Variants in PTP4A2 observed in about 807,000 individuals in gnomAD.
PTP4A2 encodes the protein protein tyrosine phosphatase 4A2.
Under a neutral mutation model 22.9 loss-of-function variants are expected in PTP4A2, and 2 were observed. The ratio of observed to expected loss-of-function variants is 0.09; its 90% CI spans 0.04 to 0.27. The LOEUF (loss-of-function observed/expected upper bound fraction) is 0.27. PTP4A2 is among the 10% of genes least tolerant of loss of function. The pLI is 1.00. For synonymous variants in PTP4A2, 68 were observed against 69.1 expected (o/e 0.98, Z 0.08); for missense variants, 103 against 205.1 (o/e 0.50, Z 3.04).
At position 31,908,138 on chromosome 1, in the gene PTP4A2, TATTATATA is replaced by T. The variant is rs1651299399; in HGVS notation, c.*706_*713del. On this transcript the variant is annotated 3_prime_UTR_variant, in exon 6 of 6. Transcript: ENST00000647444. ...AATATATATATATATATATATATTA[TATTATATA>T]TATATATATATATATATATATATAT... 1 of 420 alleles carries T rather than the reference TATTATATA, an allele frequency of 2.4e-3. No individual in the cohort carries two copies. The highest frequency in any genetic ancestry group is 5.3e-3 in the Non-Finnish European group (1 of 188). The allele number at this position is 420 out of a possible 1,614,324, so 0.0% of individuals were successfully genotyped here. A position where few individuals can be genotyped will look rare whatever the true frequency, so the allele number is the denominator to read the frequency against.
chr1:31,907,575 T>C lies in PTP4A2; in HGVS notation c.*1277A>G, dbSNP rs1425884500. ...GGTTTTAAACCAGGGATTTTTTTTT[T>C]TTAATCTCAAAAAACCTAGTAATAA... On this transcript the variant is annotated 3_prime_UTR_variant, in exon 6 of 6. Transcript: ENST00000647444. 1.3e-5 allele frequency: 2 copies of C among 152,092 alleles called. No homozygotes were observed. The highest frequency in any genetic ancestry group is 6.6e-5 in the Admixed American group (1 of 15,254). The allele number at this position is 152,092 out of a possible 1,614,324, so 9.4% of individuals were successfully genotyped here.
At chr1:31,936,317 T>C (rs1193543477) in intron 1 of PTP4A2, among the ~76,000 whole-genome samples, 1 of 151,816 alleles carries the variant, frequency 6.6e-6, no homozygotes, top group Admixed American at 6.6e-5. Flanking sequence ...CACACACTTG[T>C]ATTCTCAGCT....
intron 5 of PTP4A2, 70 bp downstream of exon 5, chr1:31,909,968 C>T: frequency 7.5e-7 from 1 of 1,334,774 alleles, no homozygotes. Context: ...AATGAATATC[C>T]CTTCCATAAT....
At chr1:31,918,412 A>G (rs1179701895) in intron 2 of PTP4A2, among the ~76,000 whole-genome samples, 2 of 152,182 alleles carry the variant, frequency 1.3e-5, no homozygotes, top group Admixed American at 6.5e-5. Context: ...ATTACAACGA[A>G]GTAGTCTGGG....
chr1:31,906,755 TACAC>T lies in PTP4A2; in HGVS notation c.*2093_*2096del, dbSNP rs140739232. On this transcript the variant is annotated 3_prime_UTR_variant, in exon 6 of 6. Coordinates refer to ENST00000647444, the MANE Select transcript of PTP4A2 (RefSeq NM_080391.4). Reference sequence around the variant, plus strand: ...GCGCGTGCACACACACACACACACATACACACACACACACACACACACACACACA... The same window carrying T: ...GCGCGTGCACACACACACACACACATACACACACACACACACACACACACA... The T allele has an allele frequency of 0.046, 6,140 of 132,846 alleles. 185 individuals carry two copies. The highest frequency in any genetic ancestry group is 0.11 in the African/African-American group (3,748 of 34,030). 8.2% of individuals were successfully genotyped at this position (132,846 alleles called of 1,614,324 possible).
intron 1 of PTP4A2, chr1:31,930,795 C>T (rs1317209003): frequency 6.6e-6 from 1 of 152,160 alleles, no homozygotes; most frequent in Non-Finnish European, 1.5e-5. Flanking sequence ...ATAATGGCAT[C>T]CTTTCACAAA....
intron 1 of PTP4A2, among the ~76,000 whole-genome samples, chr1:31,928,764 C>T (rs1385457569): frequency 6.6e-6 from 1 of 151,340 alleles, no homozygotes; most frequent in African/African-American, 2.4e-5. Context: ...TCCACTTCCT[C>T]ATTTAAGGAG....
intron 4 of PTP4A2, chr1:31,911,262 AG>A (rs1260596668): frequency 6.5e-6 from 1 of 152,826 alleles, no homozygotes; most frequent in African/African-American, 2.4e-5. Flanking sequence ...AGCAATGCTC[AG>A]GGGAAAAGGT....
In PTP4A2 at chr1:31,908,236, GTTTTTTT is replaced by G. The variant is rs56981526; in HGVS notation, c.*609_*615del. On this transcript the variant is annotated 3_prime_UTR_variant, in exon 6 of 6. Transcript: ENST00000647444. ...TGCTGTTTTTTTGGTGTTGTTTTTT[GTTTTTTT>G]TTTTTTTTTATCTAAAAGTGCCCAG... 84 of 47,826 alleles carry G rather than the reference GTTTTTTT, an allele frequency of 1.8e-3. 2 individuals carry two copies. Among genetic ancestry groups the G allele is most frequent in the African/African-American group, 4.9e-3 (55 of 11,262 alleles). 3.0% of individuals were successfully genotyped at this position (47,826 alleles called of 1,614,324 possible).
chr1:31,936,528 A>G (rs1167595937), intron 1 of PTP4A2, among the ~76,000 whole-genome samples: 7 of 152,222 alleles, frequency 4.6e-5, no homozygotes, highest in Admixed American at 4.6e-4. Context: ...TCTAGGAGAC[A>G]TTATTTTTAA....
intron 1 of PTP4A2, among the ~76,000 whole-genome samples, chr1:31,931,843 C>T (rs1052429089): frequency 2.6e-5 from 4 of 152,214 alleles, no homozygotes; most frequent in African/African-American, 7.2e-5. Context: ...CTGCTGGTGA[C>T]TCATATCCTT....
intron 1 of PTP4A2, among the ~76,000 whole-genome samples, chr1:31,921,179 T>A (rs1652137291): frequency 6.6e-6 from 1 of 152,158 alleles, no homozygotes; most frequent in African/African-American, 2.4e-5. Flanking sequence ...TTTCCCCTTT[T>A]CCTCACAAGT....
chr1:31,912,874 C>A, intron 3 of PTP4A2: 2 of 342,082 alleles, frequency 5.8e-6, no homozygotes, highest in South Asian at 2.4e-5. Context: ...AGCCCATTAG[C>A]CAAAACAGTA....
intron 1 of PTP4A2, among the ~76,000 whole-genome samples, chr1:31,936,355 T>C (rs1305264401): frequency 6.6e-6 from 1 of 151,794 alleles, no homozygotes; most frequent in East Asian, 1.9e-4. Context: ...GGGAAGATCA[T>C]TTGAACCCGG....
Position 31,906,951 on chromosome 1 carries a change from A to T in PTP4A2, c.*1901T>A, listed in dbSNP as rs1651204229. The T allele has an allele frequency of 6.6e-6, 1 of 151,466 alleles. No homozygotes were observed. Among genetic ancestry groups the T allele is most frequent in the African/African-American group, 2.5e-5 (1 of 40,738 alleles). The allele number at this position is 151,466 out of a possible 1,614,324, so 9.4% of individuals were successfully genotyped here. On this transcript the variant is annotated 3_prime_UTR_variant, in exon 6 of 6. Coordinates refer to ENST00000647444, the MANE Select transcript of PTP4A2 (RefSeq NM_080391.4). ...GGAATCTATTGTTGCATTCTGAAATAAAGAATTTTGGATATACCATTATGT... is the reference window on the plus strand; with the variant it reads ...GGAATCTATTGTTGCATTCTGAAATTAAGAATTTTGGATATACCATTATGT...
intron 1 of PTP4A2, among the ~76,000 whole-genome samples, chr1:31,925,492 C>T (rs1379332801): frequency 1.3e-5 from 2 of 152,186 alleles, no homozygotes; most frequent in Admixed American, 6.6e-5. Context: ...CCGTGGCTCA[C>T]GCCTATAATC....
At chr1:31,926,890 T>C (rs1652490348) in intron 1 of PTP4A2, among the ~76,000 whole-genome samples, 1 of 152,120 alleles carries the variant, frequency 6.6e-6, no homozygotes. Flanking sequence ...AAAAGTGACT[T>C]TTTATCCAAG....
intron 1 of PTP4A2, among the ~76,000 whole-genome samples, chr1:31,923,853 T>C (rs572789652): frequency 6.6e-6 from 1 of 152,306 alleles, no homozygotes; most frequent in Non-Finnish European, 1.5e-5. Flanking sequence ...CAAGTTGCAA[T>C]CTTCCATACA....
intron 1 of PTP4A2, among the ~76,000 whole-genome samples, chr1:31,925,454 C>A (rs1052366660): frequency 2.6e-5 from 4 of 152,158 alleles, no homozygotes; most frequent in Non-Finnish European, 5.9e-5. Flanking sequence ...ATTCTAACTA[C>A]AAATAAAGTG....
Sources: allele counts gnomAD v4.1 joint callset (sites outside exome capture counted in the v4.1 genomes callset), GRCh38; gene constraint gnomAD v4.1.1; transcripts MANE v1.5; gene names NCBI Gene and HGNC (gene_info 2026-07-23, HGNC 2026-07-21).